Variants in JAKMIP2 observed in about 807,000 individuals in gnomAD.
JAKMIP2 encodes janus kinase and microtubule interacting protein 2.
JAKMIP2 carries 25 observed loss-of-function variants against 115.0 expected under a neutral mutation model. The ratio of observed to expected loss-of-function variants is 0.22; its 90% CI spans 0.16 to 0.30. JAKMIP2 has a LOEUF of 0.30. JAKMIP2 is among the 10% of genes least tolerant of loss of function. The pLI is 1.00. For synonymous variants in JAKMIP2, 334 were observed against 343.6 expected (o/e 0.97, Z 0.31); for missense variants, 642 against 957.6 (o/e 0.67, Z 4.35).
intron 1 of JAKMIP2, among the ~76,000 whole-genome samples, chr5:147,685,031 C>T (rs1348868121): frequency 6.6e-6 from 1 of 152,172 alleles, no homozygotes; most frequent in African/African-American, 2.4e-5. Context: ...TGCATCCTTC[C>T]ATTTCATACT....
chr5:147,656,309 C>T (rs1484412329), intron 3 of JAKMIP2, among the ~76,000 whole-genome samples: 1 of 152,154 alleles, frequency 6.6e-6, no homozygotes, highest in African/African-American at 2.4e-5. Context: ...CACTATTACT[C>T]TGTAGGAGTC....
chr5:147,676,250 G>A (rs899678939), intron 1 of JAKMIP2, among the ~76,000 whole-genome samples: 3 of 152,276 alleles, frequency 2.0e-5, no homozygotes, highest in Non-Finnish European at 2.9e-5. Flanking sequence ...GCAGGAGAAT[G>A]GCGTGAACCC....
chr5:147,679,422 C>A (rs892350469), intron 1 of JAKMIP2, among the ~76,000 whole-genome samples: 3 of 152,168 alleles, frequency 2.0e-5, no homozygotes, highest in African/African-American at 7.2e-5. Flanking sequence ...AAAAGTGTAC[C>A]ATTCCTACCT....
chr5:147,605,058 G>C (rs927139784), intron 20 of JAKMIP2, among the ~76,000 whole-genome samples: 1 of 151,448 alleles, frequency 6.6e-6, no homozygotes, highest in Non-Finnish European at 1.5e-5. Flanking sequence ...TCCCACTTAT[G>C]AGTGAGAACA....
At chr5:147,776,847 G>GAGCCC (rs1755576034) in intron 1 of JAKMIP2, among the ~76,000 whole-genome samples, 1 of 152,150 alleles carries the variant, frequency 6.6e-6, no homozygotes, top group Non-Finnish European at 1.5e-5. Flanking sequence ...AGAATCACTT[G>GAGCCC]AATCCAGCAG....
chr5:147,713,944 A>T (rs968264705), intron 1 of JAKMIP2, among the ~76,000 whole-genome samples: 52 of 152,210 alleles, frequency 3.4e-4, no homozygotes, highest in African/African-American at 1.1e-3. Flanking sequence ...GACCTAGACA[A>T]TCTGAAACCC....
chr5:147,636,494 C>A, intron 11 of JAKMIP2: 3 of 596,334 alleles, frequency 5.0e-6, no homozygotes, highest in Non-Finnish European at 8.9e-6. Flanking sequence ...TCATCACTCC[C>A]TATTTCTACC....
intron 1 of JAKMIP2, among the ~76,000 whole-genome samples, chr5:147,731,675 C>G (rs1162201467): frequency 6.6e-6 from 1 of 152,092 alleles, no homozygotes; most frequent in East Asian, 1.9e-4. Flanking sequence ...CCAGGAAGAC[C>G]TTTGGATTTA....
In JAKMIP2 at chr5:147,585,708, A is replaced by C. The variant is rs1216806852; in HGVS notation, c.*5999T>G. 6.6e-6 allele frequency: 1 copy of C among 152,144 alleles called. No homozygotes were observed. Among genetic ancestry groups the C allele is most frequent in the Admixed American group, 6.5e-5 (1 of 15,268 alleles). 9.4% of individuals were successfully genotyped at this position (152,144 alleles called of 1,614,324 possible). The stretch of plus-strand genomic sequence containing the variant: ...ATATGGAGTCATGCTAATGAGATGG[A>C]AAGAAAGAACCCCAATTGAGGCAGT... On this transcript the variant is annotated 3_prime_UTR_variant, in exon 22 of 22. Coordinates refer to ENST00000616793, the MANE Select transcript of JAKMIP2 (RefSeq NM_001270941.2).
chr5:147,617,838 A>T, intron 19 of JAKMIP2, 73 bp downstream of exon 19: 1 of 1,206,646 alleles, frequency 8.3e-7, no homozygotes, highest in Non-Finnish European at 1.2e-6. Flanking sequence ...ACCCATACTC[A>T]ATACCGTGTA....
intron 1 of JAKMIP2, among the ~76,000 whole-genome samples, chr5:147,767,247 T>C (rs1381709252): frequency 6.6e-6 from 1 of 152,144 alleles, no homozygotes; most frequent in Non-Finnish European, 1.5e-5. Context: ...TAAGCTGATA[T>C]TGCCTTATTA....
At chr5:147,712,273 T>G (rs6895105) in intron 1 of JAKMIP2, among the ~76,000 whole-genome samples, 6,728 of 152,266 alleles carry the variant, frequency 0.044, 272 homozygotes, top group East Asian at 0.12. Context: ...AAGGTTCACA[T>G]GGGAGTTCGT....
At position 147,642,222 on chromosome 5, in the gene JAKMIP2, G is replaced by C. The variant is rs181472037; in HGVS notation, c.1225-458C>G. Among the ~76,000 whole-genome samples the C allele has an allele frequency of 3.8e-4, 58 of 152,162 alleles. 1 individual carries two copies. The highest frequency in any genetic ancestry group is 1.3e-3 in the African/African-American group (56 of 41,526). The stretch of plus-strand genomic sequence containing the variant: ...GTCTTTGGCCTATTTTTGCATCCTT[G>C]TTCTCACCTGCAGTCCCTGAAAATA... On this transcript the variant is annotated intron_variant, in intron 7 of 21. Coordinates refer to ENST00000616793, the MANE Select transcript of JAKMIP2 (RefSeq NM_001270941.2).
At chr5:147,706,411 T>G (rs1187446383) in intron 1 of JAKMIP2, among the ~76,000 whole-genome samples, 1 of 152,154 alleles carries the variant, frequency 6.6e-6, no homozygotes, top group African/African-American at 2.4e-5. Flanking sequence ...TTCAAACTCC[T>G]GGACTCAAGC....
intron 1 of JAKMIP2, among the ~76,000 whole-genome samples, chr5:147,711,819 C>T (rs1580817513): frequency 6.6e-6 from 1 of 152,180 alleles, no homozygotes; most frequent in Non-Finnish European, 1.5e-5. Context: ...AGGCGCACAC[C>T]ACCACACCTG....
intron 12 of JAKMIP2, 140 bp from the exon 13 acceptor site, chr5:147,632,918 T>C: frequency 1.7e-6 from 1 of 577,176 alleles, no homozygotes; most frequent in African/African-American, 1.9e-5. Context: ...GTGAATAAAA[T>C]AAGTATTTGG....
chr5:147,592,625 G>A lies in JAKMIP2; in HGVS notation c.*21-939C>T, dbSNP rs907085460. ...ATGGCCTTTAGGGTCTGAACAACATGGATAGAGAAAATGGGATTTCTATTT... is the reference window on the plus strand; with the variant it reads ...ATGGCCTTTAGGGTCTGAACAACATAGATAGAGAAAATGGGATTTCTATTT... On this transcript the variant is annotated intron_variant, in intron 21 of 21. Coordinates refer to ENST00000616793, the MANE Select transcript of JAKMIP2 (RefSeq NM_001270941.2). Among the ~76,000 whole-genome samples, 5 of 152,148 alleles carry A rather than the reference G, an allele frequency of 3.3e-5. No homozygotes were observed. In the South Asian group the frequency reaches 8.3e-4, roughly 25 times the overall value.
chr5:147,631,590 C>A lies in JAKMIP2; in HGVS notation c.1777-79G>T. 3 of 858,532 alleles carry A rather than the reference C, an allele frequency of 3.5e-6. No individual in the cohort carries two copies. The South Asian group carries it at 5.2e-5, about 15-fold the overall frequency. 53.2% of individuals were successfully genotyped at this position (858,532 alleles called of 1,614,324 possible). ...ACACTAAACCAGTGGTCTCTTTATG[C>A]TATTTCAGCAGTTTATTACTGTCAT... On this transcript the variant is annotated intron_variant, in intron 13 of 21. Coordinates refer to ENST00000616793, the MANE Select transcript of JAKMIP2 (RefSeq NM_001270941.2).
chr5:147,742,152 T>TAG (rs1754164105), intron 1 of JAKMIP2, among the ~76,000 whole-genome samples: 1 of 118,166 alleles, frequency 8.5e-6, no homozygotes, highest in Non-Finnish European at 1.7e-5. Flanking sequence ...TATATATATA[T>TAG]ATATTTTTTT....
Sources: allele counts gnomAD v4.1 joint callset (sites outside exome capture counted in the v4.1 genomes callset), GRCh38; gene constraint gnomAD v4.1.1; transcripts MANE v1.5; gene names NCBI Gene and HGNC (gene_info 2026-07-23, HGNC 2026-07-21).